Variants in VWC2L observed in about 807,000 individuals in gnomAD.
The protein encoded by VWC2L is von Willebrand factor C domain containing 2 like.
VWC2L carries 10 observed loss-of-function variants against 21.6 expected under a neutral mutation model. The ratio of observed to expected loss-of-function variants is 0.46; its 90% confidence interval spans 0.29 to 0.78. VWC2L has a LOEUF of 0.78. Among genes scored for constraint, VWC2L ranks in the 30% least tolerant of loss-of-function variants. VWC2L has a pLI of 0.10. For synonymous variants in VWC2L, 96 were observed against 94.3 expected, an observed-to-expected ratio of 1.02 and a Z score of -0.10; for missense variants, 209 against 277.1, an observed-to-expected ratio of 0.75 and a Z score of 1.74.
intron 3 of VWC2L, among the ~76,000 whole-genome samples, chr2:214,530,466 C>T (rs1294387528): frequency 6.6e-6 from 1 of 152,134 alleles, no homozygotes; most frequent in Non-Finnish European, 1.5e-5. Flanking sequence ...TGCCTGTGCT[C>T]TCATCCCATG....
chr2:214,471,263 T>C (rs575877438), intron 3 of VWC2L, among the ~76,000 whole-genome samples: 1 of 152,278 alleles, frequency 6.6e-6, no homozygotes, highest in East Asian at 1.9e-4. Context: ...TTACATTGCA[T>C]GTCATGCGTC....
intron 3 of VWC2L, among the ~76,000 whole-genome samples, chr2:214,568,010 G>T (rs1273240721): frequency 6.6e-6 from 1 of 152,030 alleles, no homozygotes; most frequent in African/African-American, 2.4e-5. Context: ...TGATTATGAA[G>T]TAAATATTAG....
chr2:214,487,758 C>T (rs1314902385), intron 3 of VWC2L, among the ~76,000 whole-genome samples: 1 of 152,164 alleles, frequency 6.6e-6, no homozygotes, highest in Non-Finnish European at 1.5e-5. Flanking sequence ...AGGAGAATAG[C>T]TGGAGGTCAG....
intron 3 of VWC2L, among the ~76,000 whole-genome samples, chr2:214,443,771 AG>A (rs1333995377): frequency 1.3e-5 from 2 of 152,200 alleles, no homozygotes; most frequent in Admixed American, 1.3e-4. Context: ...GGAATAGACA[AG>A]GATGTCTACT....
chr2:214,498,131 C>A (rs557411474), intron 3 of VWC2L, among the ~76,000 whole-genome samples: 5 of 152,238 alleles, frequency 3.3e-5, no homozygotes, highest in African/African-American at 9.6e-5. Context: ...AGAGAAGCAC[C>A]TAGGAGATGT....
intron 3 of VWC2L, among the ~76,000 whole-genome samples, chr2:214,456,430 G>GT (rs1007557727): frequency 6.6e-6 from 1 of 151,618 alleles, no homozygotes; most frequent in South Asian, 2.1e-4. Context: ...TTTTTGTTTT[G>GT]TTTTTTGCTG....
In VWC2L at chr2:214,520,950, G is replaced by T. The variant is rs138462025; in HGVS notation, c.521-54722G>T. 3.3e-5 allele frequency among the ~76,000 whole-genome samples: 5 copies of T among 152,108 alleles called. No homozygotes were observed. The East Asian group carries it at 9.7e-4, about 29-fold the overall frequency. ...AAAAGCTACCAAGTTTGGACTGGGT[G>T]CAGTGGCTCACACCTGTAATCCCAG... On this transcript the variant is annotated intron_variant, in intron 3 of 3. Transcript: ENST00000312504.
intron 3 of VWC2L, among the ~76,000 whole-genome samples, chr2:214,441,139 C>T (rs1308890812): frequency 1.3e-5 from 2 of 152,014 alleles, no homozygotes; most frequent in Non-Finnish European, 2.9e-5. Flanking sequence ...ATAAACTAGG[C>T]AAAGGGGCAA....
intron 3 of VWC2L, among the ~76,000 whole-genome samples, chr2:214,521,552 C>G (rs1267333347): frequency 6.6e-6 from 1 of 152,108 alleles, no homozygotes; most frequent in Non-Finnish European, 1.5e-5. Context: ...AACTGTCTGC[C>G]CCAAATAAGA....
At chr2:214,550,730 A>T (rs1689780785) in intron 3 of VWC2L, among the ~76,000 whole-genome samples, 1 of 152,190 alleles carries the variant, frequency 6.6e-6, no homozygotes, top group Non-Finnish European at 1.5e-5. Context: ...TTGCCTGGAC[A>T]ATCACAATAG....
intron 3 of VWC2L, among the ~76,000 whole-genome samples, chr2:214,530,110 A>C (rs1224392384): frequency 6.6e-6 from 1 of 152,206 alleles, no homozygotes; most frequent in Admixed American, 6.5e-5. Context: ...AAAAAAATGA[A>C]ATTACTCTAT....
In VWC2L at chr2:214,414,117, A is replaced by T. The variant is rs567850544; in HGVS notation, c.-77A>T. On this transcript the variant is annotated 5_prime_UTR_variant, in exon 2 of 4. Coordinates refer to ENST00000312504, the MANE Select transcript of VWC2L (RefSeq NM_001080500.4). ...CTTTTTAAATATTTATTTTCAGCCTACCCCTCTTGTATTCCCATGGAAGGA... is the reference window on the plus strand; with the variant it reads ...CTTTTTAAATATTTATTTTCAGCCTTCCCCTCTTGTATTCCCATGGAAGGA... The T allele has an allele frequency of 5.6e-6, 8 of 1,439,734 alleles. No individual in the cohort carries two copies. In the East Asian group the frequency reaches 1.8e-4, roughly 33 times the overall value. 89.2% of individuals were successfully genotyped at this position (1,439,734 alleles called of 1,614,324 possible).
intron 3 of VWC2L, among the ~76,000 whole-genome samples, chr2:214,523,746 T>A (rs192110184): frequency 3.3e-5 from 5 of 152,150 alleles, no homozygotes; most frequent in African/African-American, 7.2e-5. Flanking sequence ...GGCAGGAGCA[T>A]CCCTTGAACC....
At chr2:214,520,709 CAAAA>C (rs1419313571) in intron 3 of VWC2L, among the ~76,000 whole-genome samples, 1 of 151,802 alleles carries the variant, frequency 6.6e-6, no homozygotes, top group African/African-American at 2.4e-5. Flanking sequence ...ATTTGGTAGA[CAAAA>C]AACAGTATTC....
At chr2:214,561,803 TATATATACAC>T (rs1413566449) in intron 3 of VWC2L, among the ~76,000 whole-genome samples, 2 of 80,152 alleles carry the variant, frequency 2.5e-5, no homozygotes, top group Admixed American at 1.3e-4. Context: ...TATATATATA[TATATATACAC>T]ACACATATAT....
chr2:214,507,365 T>C (rs1285530612), intron 3 of VWC2L, among the ~76,000 whole-genome samples: 1 of 152,220 alleles, frequency 6.6e-6, no homozygotes, highest in Non-Finnish European at 1.5e-5. Flanking sequence ...CTCTAATGAA[T>C]GACTTAGACA....
At chr2:214,431,448 T>C (rs931780110) in intron 2 of VWC2L, among the ~76,000 whole-genome samples, 1 of 152,208 alleles carries the variant, frequency 6.6e-6, no homozygotes, top group Non-Finnish European at 1.5e-5. Context: ...AGAAATGAAG[T>C]ACCCCTTGGA....
intron 3 of VWC2L, among the ~76,000 whole-genome samples, chr2:214,567,202 G>A (rs962173780): frequency 5.3e-5 from 8 of 152,114 alleles, no homozygotes; most frequent in African/African-American, 1.7e-4. Flanking sequence ...TGTTTCCAAG[G>A]AGGATTTAAA....
intron 3 of VWC2L, among the ~76,000 whole-genome samples, chr2:214,449,295 C>T (rs1021993070): frequency 2.6e-5 from 4 of 152,102 alleles, no homozygotes; most frequent in African/African-American, 7.2e-5. Flanking sequence ...TCTCAGATAA[C>T]ATAGCATAGG....
Sources: allele counts gnomAD v4.1 joint callset (sites outside exome capture counted in the v4.1 genomes callset), GRCh38; gene constraint gnomAD v4.1.1; transcripts MANE v1.5; gene names NCBI Gene and HGNC (gene_info 2026-07-23, HGNC 2026-07-21).